The following VAMP7 variants were observed in gnomAD, a reference collection of about 807,000 sequenced individuals.
VAMP7 encodes vesicle associated membrane protein 7, also known as vesicle-associated membrane protein 7.
Under a neutral mutation model 29.6 loss-of-function variants are expected in VAMP7, and 14 were observed. The observed-to-expected ratio is 0.47, with a 90% CI of 0.31 to 0.74. VAMP7 has a LOEUF of 0.74. VAMP7 is among the 30% of genes least tolerant of loss of function. The pLI is 0.05. For missense variants in VAMP7, 223 were observed against 262.4 expected (o/e 0.85, Z 1.04); for synonymous variants, 95 against 88.1 (o/e 1.08, Z -0.44).
At chrX:155,921,382 G>A (rs1317041734) in intron 6 of VAMP7, among the ~76,000 whole-genome samples, 2 of 151,772 alleles carry the variant, frequency 1.3e-5, no homozygotes, top group Admixed American at 6.6e-5. Context: ...CACCCCAGAA[G>A]GCTGCCTCAT....
At chrX:155,931,575 T>C (rs2066555785) in intron 6 of VAMP7, among the ~76,000 whole-genome samples, 1 of 152,236 alleles carries the variant, frequency 6.6e-6, no homozygotes, top group African/African-American at 2.4e-5. Flanking sequence ...TCTTTTCTTA[T>C]AAATTTGTTT....
intron 2 of VAMP7, among the ~76,000 whole-genome samples, chrX:155,894,310 T>G (rs867271309): frequency 7.1e-4 from 107 of 150,732 alleles, no homozygotes; most frequent in African/African-American, 2.3e-3. Context: ...TGTTTTTTTT[T>G]TTTTTTTTTT....
At chrX:155,911,834 T>C (rs1173429614) in intron 5 of VAMP7, among the ~76,000 whole-genome samples, 1 of 152,184 alleles carries the variant, frequency 6.6e-6, no homozygotes, top group East Asian at 1.9e-4. Context: ...ACTGAATATA[T>C]TTATCAGATC....
intron 1 of VAMP7, among the ~76,000 whole-genome samples, chrX:155,887,229 C>G (rs1284850423): frequency 2.0e-5 from 3 of 151,862 alleles, no homozygotes; most frequent in Non-Finnish European, 4.4e-5. Context: ...ATCTTTGGCA[C>G]TATTTTTTTT....
chrX:155,934,924 T>C (rs1287181980), intron 6 of VAMP7, among the ~76,000 whole-genome samples: 2 of 152,128 alleles, frequency 1.3e-5, no homozygotes, highest in Admixed American at 6.5e-5. Context: ...AGCATTTGCT[T>C]GTCTGTAAAG....
In VAMP7 at chrX:155,919,802, A is replaced by G; in HGVS notation, c.434-11A>G. The G allele has an allele frequency of 1.2e-6, 2 of 1,608,350 alleles. No homozygotes were observed. The highest frequency in any genetic ancestry group is 1.7e-6 in the Non-Finnish European group (2 of 1,178,008). On this transcript the variant is annotated splice_polypyrimidine_tract_variant and intron_variant, in intron 5 of 7. Transcript: ENST00000286448. ...AAAACTTGACCTTTTCTACTTTTCC[A>G]ATATTTTCAGATCTGGTAGCTCAGC...
chrX:155,932,655 G>A (rs970211068), intron 6 of VAMP7, among the ~76,000 whole-genome samples: 10 of 152,128 alleles, frequency 6.6e-5, no homozygotes, highest in African/African-American at 2.4e-4. Flanking sequence ...TCTGCAAACA[G>A]GGACAATTTG....
chrX:155,894,433 G>A (rs747019808), intron 2 of VAMP7, among the ~76,000 whole-genome samples: 22 of 148,708 alleles, frequency 1.5e-4, no homozygotes, highest in African/African-American at 4.7e-4. Flanking sequence ...ATAAAGTCTT[G>A]TATAACCTGG....
chrX:155,939,505 G>T (rs2066712381), intron 6 of VAMP7, among the ~76,000 whole-genome samples, 196 bp from the exon 7 acceptor site: 2 of 152,126 alleles, frequency 1.3e-5, no homozygotes, highest in African/African-American at 4.8e-5. Context: ...GTTTTCATTG[G>T]GCTCATACTG....
At chrX:155,931,820 C>A (rs1248427310) in intron 6 of VAMP7, among the ~76,000 whole-genome samples, 6 of 152,080 alleles carry the variant, frequency 3.9e-5, no homozygotes, top group South Asian at 2.1e-4. Flanking sequence ...AGGTTTTCTT[C>A]TAGGGTTTTT....
chrX:155,882,958 G>A (rs1311786266), intron 1 of VAMP7, among the ~76,000 whole-genome samples: 6 of 152,262 alleles, frequency 3.9e-5, no homozygotes, highest in Admixed American at 1.3e-4. Context: ...TTCTTCATCC[G>A]AGGTGAGATC....
chrX:155,931,243 G>A (rs2066549402), intron 6 of VAMP7, among the ~76,000 whole-genome samples: 2 of 152,176 alleles, frequency 1.3e-5, no homozygotes, highest in Admixed American at 1.3e-4. Flanking sequence ...GGATGGCTGG[G>A]TCAAATGGTA....
chrX:155,898,785 C>G (rs2066021291), intron 4 of VAMP7, among the ~76,000 whole-genome samples: 1 of 152,048 alleles, frequency 6.6e-6, no homozygotes, highest in Non-Finnish European at 1.5e-5. Context: ...TACACTTTGC[C>G]CCAGGCAACC....
At chrX:155,884,852 A>G (rs2065847484) in intron 1 of VAMP7, among the ~76,000 whole-genome samples, 2 of 152,198 alleles carry the variant, frequency 1.3e-5, no homozygotes, top group Non-Finnish European at 2.9e-5. Context: ...CTACTTGAAG[A>G]TGCTTCTGCT....
intron 1 of VAMP7, among the ~76,000 whole-genome samples, chrX:155,881,709 C>T (rs754178777): frequency 5.9e-5 from 9 of 152,252 alleles, no homozygotes; most frequent in Middle Eastern, 3.4e-3. Context: ...TGTTAACTTT[C>T]TCTCAGTTTG....
At position 155,894,259 on chromosome X, in the gene VAMP7, T is replaced by C. The variant is rs2065958488; in HGVS notation, c.147-1364T>C. 2.6e-5 allele frequency among the ~76,000 whole-genome samples: 4 copies of C among 151,572 alleles called. No individual in the cohort carries two copies. The South Asian group carries it at 8.4e-4, about 32-fold the overall frequency. ...ACTGCAGTAGTCTCCTGTCTGGTCC[T>C]CCTTTGAGTCAGTTTTCCGCACTCT... On this transcript the variant is annotated intron_variant, in intron 2 of 7. Transcript: ENST00000286448.
chrX:155,924,471 C>T (rs2066441057), intron 6 of VAMP7, among the ~76,000 whole-genome samples: 1 of 152,100 alleles, frequency 6.6e-6, no homozygotes. Context: ...ACTCTCAGCC[C>T]CTGGTAACTC....
At chrX:155,918,080 A>C (rs1432355371) in intron 5 of VAMP7, among the ~76,000 whole-genome samples, 1 of 152,200 alleles carries the variant, frequency 6.6e-6, no homozygotes, top group South Asian at 2.1e-4. Context: ...CCCCGGTTCA[A>C]ACTTCCTGGC....
At chrX:155,900,874 A>G (rs779644425) in intron 5 of VAMP7, among the ~76,000 whole-genome samples, 66 of 152,224 alleles carry the variant, frequency 4.3e-4, no homozygotes, top group Non-Finnish European at 7.5e-4. Context: ...GTGATTGTAC[A>G]GTATTTCACT....
Sources: gnomAD v4.1 joint callset for allele counts (sites outside exome capture counted in the v4.1 genomes callset) on GRCh38, gnomAD v4.1.1 for gene constraint, MANE v1.5 for transcripts, NCBI Gene and HGNC (gene_info 2026-07-23, HGNC 2026-07-21) for gene names.